BMPER: variants seen among roughly 807,000 people sequenced by gnomAD.
BMPER encodes BMP-binding endothelial regulator protein.
BMPER carries 45 observed loss-of-function variants against 87.3 expected under a neutral mutation model. The ratio of observed to expected loss-of-function variants is 0.52; its 90% CI spans 0.41 to 0.66. The LOEUF (loss-of-function observed/expected upper bound fraction) is 0.66, where lower values mean the gene tolerates loss of function less well. Ranked by LOEUF, BMPER falls within the 30% of genes least tolerant of loss-of-function variation. The pLI, the probability that BMPER is intolerant of heterozygous loss-of-function variation, is 0.00. For synonymous variants in BMPER, 326 were observed against 316.2 expected, an observed-to-expected ratio of 1.03 and a Z score of -0.33; for missense variants, 784 against 867.5, an observed-to-expected ratio of 0.90 and a Z score of 1.21.
rs181596157 is a variant in BMPER at position 34,139,325 on chromosome 7, G to C, written c.1746-3905G>C. On this transcript the variant is annotated intron_variant, in intron 13 of 14. Coordinates refer to ENST00000649409, the MANE Select transcript of BMPER (RefSeq NM_001365308.1). ...CAGATTGGGCAGATTTTAGCTGGAG[G>C]AACGTTGAATAACTAAGACCTACAA... 3.9e-3 allele frequency among the ~76,000 whole-genome samples: 591 copies of C among 152,312 alleles called. 2 individuals carry two copies. Among genetic ancestry groups the C allele is most frequent in the African/African-American group, 0.014 (577 of 41,566 alleles).
In BMPER at chr7:34,089,397, A is replaced by G. The variant is rs537967859; in HGVS notation, c.1745+3305A>G. On this transcript the variant is annotated intron_variant, in intron 13 of 14. Coordinates refer to ENST00000649409, the MANE Select transcript of BMPER (RefSeq NM_001365308.1). ...CAGGGCAAATTCTATGATAATTATGAGATAATGCTTCTTATAAGGTCAAAA... is the reference window on the plus strand; with the variant it reads ...CAGGGCAAATTCTATGATAATTATGGGATAATGCTTCTTATAAGGTCAAAA... Among the ~76,000 whole-genome samples the G allele has an allele frequency of 3.3e-5, 5 of 152,286 alleles. No individual in the cohort carries two copies. The South Asian group carries it at 8.3e-4, about 25-fold the overall frequency.
intron 8 of BMPER, among the ~76,000 whole-genome samples, chr7:34,054,279 T>C (rs1182971607): frequency 6.6e-6 from 1 of 152,062 alleles, no homozygotes; most frequent in Non-Finnish European, 1.5e-5. Context: ...GCTCTCTCTC[T>C]CCACACACAC....
At chr7:34,128,904 G>T (rs969036928) in intron 13 of BMPER, among the ~76,000 whole-genome samples, 2 of 152,166 alleles carry the variant, frequency 1.3e-5, no homozygotes, top group Non-Finnish European at 2.9e-5. Flanking sequence ...AGGAATTCCT[G>T]CAGGGAGTAG....
At chr7:33,997,756 T>C (rs1358222522) in intron 6 of BMPER, among the ~76,000 whole-genome samples, 1 of 152,210 alleles carries the variant, frequency 6.6e-6, no homozygotes, top group African/African-American at 2.4e-5. Context: ...AGTTCTTTTG[T>C]ATTTGAATGT....
At chr7:34,074,662 G>A in intron 11 of BMPER, among the ~76,000 whole-genome samples, 1 of 152,282 alleles carries the variant, frequency 6.6e-6, no homozygotes, top group Middle Eastern at 3.4e-3. Flanking sequence ...ATTATTTCTG[G>A]AAATGCAGTG....
At chr7:33,954,720 C>T (rs1785109665) in intron 3 of BMPER, among the ~76,000 whole-genome samples, 1 of 152,092 alleles carries the variant, frequency 6.6e-6, no homozygotes, top group Non-Finnish European at 1.5e-5. Flanking sequence ...CAGGAGGTTC[C>T]ACTACAGCTC....
chr7:34,062,151 G>A, intron 11 of BMPER, 104 bp downstream of exon 11: 1 of 1,061,306 alleles, frequency 9.4e-7, no homozygotes, highest in Non-Finnish European at 1.4e-6. Flanking sequence ...TATTTTTGTA[G>A]GTATATATAG....
At chr7:33,922,003 G>A (rs529683256) in intron 2 of BMPER, 2 of 367,314 alleles carry the variant, frequency 5.4e-6, no homozygotes, top group South Asian at 2.0e-5. Flanking sequence ...TCCCTTCCTC[G>A]TGCAGAATAA....
At chr7:34,132,989 G>T (rs1362453) in intron 13 of BMPER, among the ~76,000 whole-genome samples, 114,766 of 151,992 alleles carry the variant, frequency 0.76, 43,866 homozygotes, top group East Asian at 0.92. Flanking sequence ...TTTTAAATTT[G>T]AATTTGGTCT....
rs115941675 is a variant in BMPER, at chr7:34,012,277, T to C, written c.577-34029T>C. ...ATCTCATTTAAATTGTAGTCTTCAATGCAACCTCTTACAACTTCTCACAAA... is the reference window on the plus strand; with the variant it reads ...ATCTCATTTAAATTGTAGTCTTCAACGCAACCTCTTACAACTTCTCACAAA... On this transcript the variant is annotated intron_variant, in intron 6 of 14. Coordinates refer to ENST00000649409, the MANE Select transcript of BMPER (RefSeq NM_001365308.1). Among the ~76,000 whole-genome samples the C allele has an allele frequency of 8.8e-3, 1,341 of 151,990 alleles. 20 individuals carry two copies. Among genetic ancestry groups the C allele is most frequent in the African/African-American group, 0.031 (1,272 of 41,502 alleles).
At chr7:33,975,811 G>A (rs543010629) in intron 6 of BMPER, among the ~76,000 whole-genome samples, 11 of 152,274 alleles carry the variant, frequency 7.2e-5, no homozygotes, top group African/African-American at 2.6e-4. Context: ...CATAGCATTT[G>A]TCATTTCTCT....
intron 6 of BMPER, among the ~76,000 whole-genome samples, chr7:34,010,239 C>CT (rs1330793573): frequency 2.9e-4 from 44 of 151,956 alleles, no homozygotes; most frequent in African/African-American, 6.3e-4. Flanking sequence ...TCTGGTCACC[C>CT]TAATGACTTA....
At chr7:34,017,966 C>CA (rs1310910140) in intron 6 of BMPER, among the ~76,000 whole-genome samples, 4,551 of 80,028 alleles carry the variant, frequency 0.057, 156 homozygotes, top group African/African-American at 0.15. Flanking sequence ...TAAACTTGTC[C>CA]AAAAAAAAAA....
intron 3 of BMPER, among the ~76,000 whole-genome samples, chr7:33,954,285 C>T (rs1785096497): frequency 6.6e-6 from 1 of 152,174 alleles, no homozygotes; most frequent in South Asian, 2.1e-4. Flanking sequence ...ACAGCATGAC[C>T]TCTAATGCTA....
intron 6 of BMPER, among the ~76,000 whole-genome samples, chr7:33,976,718 T>C (rs1046312628): frequency 1.3e-4 from 20 of 152,080 alleles, no homozygotes; most frequent in African/African-American, 4.3e-4. Context: ...AGAGGAAATT[T>C]AGAAGGTGGT....
chr7:33,971,123 T>G (rs1028926306), intron 5 of BMPER, among the ~76,000 whole-genome samples: 5 of 144,524 alleles, frequency 3.5e-5, no homozygotes, highest in East Asian at 2.0e-4. Context: ...TGTTTTTTTG[T>G]TTTTTTTTTT....
chr7:34,049,848 T>C (rs1788100232), intron 7 of BMPER, among the ~76,000 whole-genome samples: 1 of 152,298 alleles, frequency 6.6e-6, no homozygotes, highest in South Asian at 2.1e-4. Context: ...AGGAAGATAA[T>C]ATTTAAAGCA....
chr7:34,104,827 C>G (rs748496060), intron 13 of BMPER, among the ~76,000 whole-genome samples: 13 of 152,200 alleles, frequency 8.5e-5, no homozygotes, highest in South Asian at 2.1e-4. Flanking sequence ...ATGACACCAT[C>G]ATGGATCTCC....
intron 12 of BMPER, among the ~76,000 whole-genome samples, chr7:34,080,363 A>G (rs758416597): frequency 6.6e-6 from 1 of 152,222 alleles, no homozygotes; most frequent in Non-Finnish European, 1.5e-5. Flanking sequence ...GCCTAGCTAA[A>G]CTAAGGCAGG....
Sources: allele counts gnomAD v4.1 joint callset (sites outside exome capture counted in the v4.1 genomes callset), GRCh38; gene constraint gnomAD v4.1.1; transcripts MANE v1.5; gene names NCBI Gene and HGNC (gene_info 2026-07-23, HGNC 2026-07-21).